ZNF429: variants seen among roughly 807,000 people sequenced by gnomAD.
The protein encoded by ZNF429 is zinc finger protein 429.
In ZNF429, 53 loss-of-function variants were observed where a neutral mutation model predicts 56.8. The observed-to-expected ratio is 0.93, with a 90% CI of 0.75 to 1.17. ZNF429 has a LOEUF of 1.17. Among genes scored for constraint, ZNF429 ranks in the 50% most tolerant of loss-of-function variants. ZNF429 has a pLI of 0.00. For missense variants in ZNF429, 849 were observed against 788.4 expected (o/e 1.08, Z -0.92); for synonymous variants, 278 against 264.7 (o/e 1.05, Z -0.49).
At chr19:21,528,012 A>G (rs576346083) in intron 1 of ZNF429, among the ~76,000 whole-genome samples, 1 of 152,286 alleles carries the variant, frequency 6.6e-6, no homozygotes, top group African/African-American at 2.4e-5. Flanking sequence ...TAAAATTCTT[A>G]TGATAGTCAA....
chr19:21,525,172 G>A (rs1269119937), intron 1 of ZNF429, among the ~76,000 whole-genome samples: 1 of 152,012 alleles, frequency 6.6e-6, no homozygotes. Context: ...CAGCTGAAGG[G>A]ATATTTATGG....
chr19:21,513,773 G>A (rs1326448911), intron 1 of ZNF429, among the ~76,000 whole-genome samples: 1 of 152,126 alleles, frequency 6.6e-6, no homozygotes, highest in African/African-American at 2.4e-5. Context: ...GGTAAGAGAG[G>A]ATGAAAACTT....
rs763511565 is a variant in ZNF429, at chr19:21,536,770, C to G, written c.717C>G (p.Asn239Lys). 6.2e-7 allele frequency: 1 copy of G among 1,613,248 alleles called. No homozygotes were observed. The highest frequency in any genetic ancestry group is 8.5e-7 in the Non-Finnish European group (1 of 1,179,810). Residue 239 changes from asparagine (N) to lysine (K), a missense_variant, in exon 4 of 4, where the codon AAC becomes AAG. Physicochemically the swap from Asn to Lys is moderately conservative, Grantham distance 94. Coordinates refer to ENST00000358491, the MANE Select transcript of ZNF429 (RefSeq NM_001001415.4). ...GTGAAGAATGTGGCAAAGCATTTAA[C>G]CACTACTCAACCCTTACTAACCATA... The part of the protein sequence containing the change: ...YRCEECGKAF[N>K]HYSTLTNHKR...
chr19:21,535,332 T>TCTTTCTTTCTTTC lies in ZNF429; in HGVS notation c.227-948_227-947insCTTTCTTTCTTTC. On this transcript the variant is annotated intron_variant, in intron 3 of 3. Coordinates refer to ENST00000358491, the MANE Select transcript of ZNF429 (RefSeq NM_001001415.4). Reference sequence around the variant, plus strand: ...CTTTCTTTCTTTCTTTCTTTCTCTTTTCTTTTCTTTCCTTTCCTTTCTTTT... The same window carrying TCTTTCTTTCTTTC: ...CTTTCTTTCTTTCTTTCTTTCTCTTTCTTTCTTTCTTTCTCTTTTCTTTCCTTTCCTTTCTTTT... 4.4e-4 allele frequency among the ~76,000 whole-genome samples: 41 copies of TCTTTCTTTCTTTC among 93,572 alleles called. 4 individuals carry two copies. Among genetic ancestry groups the TCTTTCTTTCTTTC allele is most frequent in the African/African-American group, 7.5e-4 (18 of 24,070 alleles). The allele number at this position is 93,572 out of a possible 152,430, so 61.4% of individuals were successfully genotyped here.
chr19:21,530,982 T>C, intron 3 of ZNF429, among the ~76,000 whole-genome samples: 5 of 151,702 alleles, frequency 3.3e-5, no homozygotes, highest in African/African-American at 1.2e-4. Flanking sequence ...GTCACATGCC[T>C]GCAATCCCAG....
chr19:21,513,422 G>C (rs569080431), intron 1 of ZNF429, among the ~76,000 whole-genome samples: 23 of 152,086 alleles, frequency 1.5e-4, no homozygotes, highest in Non-Finnish European at 3.1e-4. Context: ...AAACTTCATA[G>C]AGGTTATGAA....
chr19:21,511,050 C>T (rs1313777733), intron 1 of ZNF429, among the ~76,000 whole-genome samples: 6 of 152,182 alleles, frequency 3.9e-5, no homozygotes, highest in African/African-American at 1.4e-4. Context: ...TTCTATTCCA[C>T]AAAACCGCCA....
chr19:21,508,256 AAG>A (rs1210552720), intron 1 of ZNF429, among the ~76,000 whole-genome samples: 3 of 152,082 alleles, frequency 2.0e-5, no homozygotes, highest in Admixed American at 6.6e-5. Context: ...AAAAAAAAAA[AAG>A]GTGATATCTC....
chr19:21,515,595 G>A (rs570831614), intron 1 of ZNF429, among the ~76,000 whole-genome samples: 21 of 151,440 alleles, frequency 1.4e-4, no homozygotes, highest in Non-Finnish European at 2.2e-4. Flanking sequence ...TTTTTTTGCT[G>A]TGAAAAAGCT....
intron 1 of ZNF429, among the ~76,000 whole-genome samples, chr19:21,520,138 C>A (rs930901992): frequency 2.0e-5 from 3 of 152,150 alleles, no homozygotes; most frequent in African/African-American, 7.2e-5. Context: ...GGATTACAGG[C>A]ATGAGCCACT....
chr19:21,527,866 T>G (rs1280694501), intron 1 of ZNF429, among the ~76,000 whole-genome samples: 3 of 152,134 alleles, frequency 2.0e-5, no homozygotes, highest in African/African-American at 7.2e-5. Context: ...GAAGAATAAA[T>G]GGCGATTTTT....
At chr19:21,508,280 G>C (rs1468150501) in intron 1 of ZNF429, among the ~76,000 whole-genome samples, 1 of 150,498 alleles carries the variant, frequency 6.6e-6, no homozygotes, top group African/African-American at 2.4e-5. Flanking sequence ...AAAGACAAAA[G>C]AAACCCTGAC....
chr19:21,508,375 T>C (rs909320567), intron 1 of ZNF429, among the ~76,000 whole-genome samples: 2 of 152,076 alleles, frequency 1.3e-5, no homozygotes, highest in African/African-American at 4.8e-5. Flanking sequence ...GAGAGGGTGG[T>C]TATTGAGTAC....
Position 21,537,323 on chromosome 19 carries a change from C to T in ZNF429, c.1270C>T (p.Pro424Ser). Residue 424 changes from proline to serine, a missense_variant, in exon 4 of 4, where the codon CCC becomes TCC. By Grantham distance (74) the Pro-to-Ser change is moderately conservative (BLOSUM62 -1). Transcript: ENST00000358491. ...QDKKIHTGEK[P>S]YNCEECGKVF... Reference sequence around the variant, plus strand: ...CAAGAAAATTCATACTGGAGAGAAACCCTACAATTGTGAAGAATGTGGCAA... The same window carrying T: ...CAAGAAAATTCATACTGGAGAGAAATCCTACAATTGTGAAGAATGTGGCAA... 6.2e-7 allele frequency: 1 copy of T among 1,614,056 alleles called. No individual in the cohort carries two copies. The highest frequency in any genetic ancestry group is 1.3e-5 in the African/African-American group (1 of 75,050).
rs1025261466 is a variant in ZNF429, at chr19:21,539,432, A to G, written c.*1354A>G. On this transcript the variant is annotated 3_prime_UTR_variant, in exon 4 of 4. Coordinates refer to ENST00000358491, the MANE Select transcript of ZNF429 (RefSeq NM_001001415.4). The stretch of plus-strand genomic sequence containing the variant: ...TATATTCAAAGTGTACTTTTTATTT[A>G]TTTTTTTGAGATGGAGTCTCACTTT... Among the ~76,000 whole-genome samples, 5 of 151,922 alleles carry G rather than the reference A, an allele frequency of 3.3e-5. No homozygotes were observed. Among genetic ancestry groups the G allele is most frequent in the African/African-American group, 1.2e-4 (5 of 41,366 alleles).
intron 3 of ZNF429, among the ~76,000 whole-genome samples, chr19:21,533,325 G>A: frequency 6.6e-6 from 1 of 152,062 alleles, no homozygotes; most frequent in South Asian, 2.1e-4. Flanking sequence ...TTAGTTTCAA[G>A]AGGTGTTTAT....
At chr19:21,510,128 C>T (rs956955787) in intron 1 of ZNF429, among the ~76,000 whole-genome samples, 2 of 151,826 alleles carry the variant, frequency 1.3e-5, no homozygotes, top group African/African-American at 4.8e-5. Flanking sequence ...AGGCTGGTCT[C>T]GAAGTCCTTA....
At chr19:21,530,247 G>C in intron 2 of ZNF429, among the ~76,000 whole-genome samples, 1 of 150,650 alleles carries the variant, frequency 6.6e-6, no homozygotes, top group Admixed American at 6.6e-5. Flanking sequence ...ATTTCTTCAA[G>C]ATGTTTTGTC....
Position 21,509,034 on chromosome 19 carries a change from G to T in ZNF429, c.3+3260G>T, listed in dbSNP as rs74546848. Among the ~76,000 whole-genome samples, 549 of 132,850 alleles carry T rather than the reference G, an allele frequency of 4.1e-3. 4 individuals carry two copies. Among genetic ancestry groups the T allele is most frequent in the African/African-American group, 0.014 (479 of 35,146 alleles). 87.2% of individuals were successfully genotyped at this position (132,850 alleles called of 152,430 possible). ...TGTTTACTACATTTTTTTTTTTTTT[G>T]AAATGGAGTCTTGCTCAAGGCTGGG... On this transcript the variant is annotated intron_variant, in intron 1 of 3. Coordinates refer to ENST00000358491, the MANE Select transcript of ZNF429 (RefSeq NM_001001415.4).
Sources: allele counts gnomAD v4.1 joint callset (sites outside exome capture counted in the v4.1 genomes callset), GRCh38; gene constraint gnomAD v4.1.1; transcripts MANE v1.5; gene names NCBI Gene and HGNC (gene_info 2026-07-23, HGNC 2026-07-21).